AK8: variants seen among roughly 807,000 people sequenced by gnomAD.
The protein encoded by AK8 is adenylate kinase 8, also known as ATP-AMP transphosphorylase 8.
AK8 carries 44 observed loss-of-function variants against 54.6 expected under a neutral mutation model. The observed-to-expected ratio is 0.81, with a 90% CI of 0.63 to 1.04. The LOEUF is 1.04. AK8 is among the 50% of genes least tolerant of loss of function. The pLI is 0.00. For synonymous variants in AK8, 239 were observed against 245.6 expected, an observed-to-expected ratio of 0.97 and a Z score of 0.25; for missense variants, 555 against 613.6, an observed-to-expected ratio of 0.90 and a Z score of 1.01.
chr9:132,875,932 T>C (rs1844076949), intron 1 of AK8, among the ~76,000 whole-genome samples: 1 of 152,246 alleles, frequency 6.6e-6, no homozygotes, highest in Non-Finnish European at 1.5e-5. Flanking sequence ...TGGGATATTC[T>C]GGCCATTTCA....
intron 11 of AK8, chr9:132,769,523 G>C (rs978520866): frequency 2.0e-5 from 3 of 152,284 alleles, no homozygotes; most frequent in Non-Finnish European, 4.4e-5. Context: ...GAGTGCATGG[G>C]GGAGGGAGTG....
intron 9 of AK8, among the ~76,000 whole-genome samples, chr9:132,819,023 T>C (rs1178877049): frequency 1.3e-5 from 2 of 151,668 alleles, no homozygotes; most frequent in African/African-American, 2.4e-5. Flanking sequence ...AGAAAATGAG[T>C]ATTGCTAGAG....
intron 10 of AK8, among the ~76,000 whole-genome samples, chr9:132,798,077 C>T (rs1163370443): frequency 6.6e-6 from 1 of 152,236 alleles, no homozygotes; most frequent in East Asian, 1.9e-4. Context: ...CACAGGGATC[C>T]TGGATCCTGG....
At chr9:132,737,250 G>T (rs1230478984) in intron 11 of AK8, among the ~76,000 whole-genome samples, 1 of 152,112 alleles carries the variant, frequency 6.6e-6, no homozygotes, top group Admixed American at 6.5e-5. Context: ...AATTTAATGA[G>T]GTTCTGAATA....
chr9:132,850,018 A>C (rs146433712), intron 5 of AK8, among the ~76,000 whole-genome samples: 3,448 of 149,606 alleles, frequency 0.023, 133 homozygotes, highest in African/African-American at 0.081. Context: ...AAGTGCTGGG[A>C]TTACAGGCAT....
intron 11 of AK8, among the ~76,000 whole-genome samples, chr9:132,744,666 G>T (rs1450057123): frequency 1.3e-5 from 2 of 152,268 alleles, no homozygotes; most frequent in South Asian, 4.2e-4. Context: ...TCCATCAAGA[G>T]AACCCCAATA....
chr9:132,856,584 A>G (rs1361395938), intron 4 of AK8, among the ~76,000 whole-genome samples: 1 of 152,094 alleles, frequency 6.6e-6, no homozygotes, highest in Non-Finnish European at 1.5e-5. Context: ...GACTTGTCCA[A>G]GCCAATCTGC....
intron 11 of AK8, among the ~76,000 whole-genome samples, chr9:132,787,712 T>C (rs75882734): frequency 0.024 from 3,724 of 152,190 alleles, 149 homozygotes; most frequent in African/African-American, 0.085. Context: ...TTCAGTGTAG[T>C]AGTGAAAGGC....
At chr9:132,830,749 G>T (rs1387504820) in intron 5 of AK8, among the ~76,000 whole-genome samples, 1 of 152,162 alleles carries the variant, frequency 6.6e-6, no homozygotes, top group Non-Finnish European at 1.5e-5. Context: ...TTTTCATTTT[G>T]TGTGTGGTGT....
intron 11 of AK8, among the ~76,000 whole-genome samples, chr9:132,777,050 C>T (rs1564395829): frequency 1.3e-5 from 2 of 152,094 alleles, no homozygotes; most frequent in South Asian, 4.1e-4. Context: ...TCCTGCCCCG[C>T]GTGTCACCTG....
intron 12 of AK8, 130 bp from the exon 13 acceptor site, chr9:132,726,055 C>T: frequency 1.4e-6 from 1 of 706,046 alleles, no homozygotes. Flanking sequence ...CCATTTACTA[C>T]TGTGTACTGC....
At chr9:132,871,262 C>CA (rs1300914197) in intron 2 of AK8, among the ~76,000 whole-genome samples, 3 of 151,968 alleles carry the variant, frequency 2.0e-5, no homozygotes, top group South Asian at 2.1e-4. Flanking sequence ...AAAAGAAAAA[C>CA]AAAAAAACAG....
At chr9:132,819,509 G>C (rs181625790) in intron 9 of AK8, among the ~76,000 whole-genome samples, 1 of 152,196 alleles carries the variant, frequency 6.6e-6, no homozygotes, top group East Asian at 1.9e-4. Flanking sequence ...TCAGAGTTGG[G>C]AGATTTTTTA....
At chr9:132,867,603 T>C (rs1297426871) in intron 2 of AK8, among the ~76,000 whole-genome samples, 1 of 151,768 alleles carries the variant, frequency 6.6e-6, no homozygotes, top group African/African-American at 2.4e-5. Flanking sequence ...TGACCGAGAG[T>C]CTGGGCTCAC....
intron 2 of AK8, among the ~76,000 whole-genome samples, chr9:132,873,920 A>G (rs889179770): frequency 6.6e-6 from 1 of 152,150 alleles, no homozygotes; most frequent in African/African-American, 2.4e-5. Context: ...TAAACAGCCA[A>G]CCAGAGAAAG....
intron 4 of AK8, 53 bp from the exon 5 acceptor site, chr9:132,854,978 C>T (rs1029319848): frequency 1.3e-6 from 2 of 1,593,746 alleles, no homozygotes; most frequent in Non-Finnish European, 1.7e-6. Flanking sequence ...TCCTGCAGCT[C>T]AGGACACAGA....
rs1588226761 is a variant in AK8, at chr9:132,860,649, A to G, written c.333+3016T>C. Among the ~76,000 whole-genome samples, 1 of 152,228 alleles carries G rather than the reference A, an allele frequency of 6.6e-6. No homozygotes were observed. The highest frequency in any genetic ancestry group is 2.1e-4 in the South Asian group (1 of 4,828). Reference sequence around the variant, plus strand: ...CAGGTTGGAAGCAGGAACAAAAACTAGAGACACTGCCAGTTATTAATCATG... The same window carrying G: ...CAGGTTGGAAGCAGGAACAAAAACTGGAGACACTGCCAGTTATTAATCATG... On this transcript the variant is annotated intron_variant, in intron 4 of 12. Transcript: ENST00000298545. This position sits in a 1 kb window ranked among gnomAD's most constrained non-coding sequence, Gnocchi z 4.4.
intron 11 of AK8, among the ~76,000 whole-genome samples, chr9:132,729,883 G>A (rs959744545): frequency 2.0e-5 from 3 of 152,084 alleles, no homozygotes; most frequent in Non-Finnish European, 4.4e-5. Context: ...CTCTACGTGC[G>A]GAGAAAACAC....
intron 10 of AK8, among the ~76,000 whole-genome samples, chr9:132,795,876 G>A (rs1009508475): frequency 6.6e-6 from 1 of 152,224 alleles, no homozygotes; most frequent in Admixed American, 6.5e-5. Flanking sequence ...AGATCAGAAT[G>A]GTGGATCCCG....
Sources: allele counts gnomAD v4.1 joint callset (sites outside exome capture counted in the v4.1 genomes callset), GRCh38; gene constraint gnomAD v4.1.1; non-coding constraint Gnocchi (gnomAD v3.1); transcripts MANE v1.5; gene names NCBI Gene and HGNC (gene_info 2026-07-23, HGNC 2026-07-21).